Variants in UBE2F observed in about 807,000 individuals in gnomAD.
UBE2F encodes the protein NEDD8-conjugating enzyme UBE2F.
UBE2F carries 5 observed loss-of-function variants against 29.6 expected under a neutral mutation model. The ratio of observed to expected loss-of-function variants is 0.17; its 90% CI spans 0.09 to 0.36. UBE2F has a LOEUF of 0.36. UBE2F is among the 10% of genes least tolerant of loss of function. The pLI is 1.00. For missense variants in UBE2F, 141 were observed against 228.5 expected (o/e 0.62, Z 2.47); for synonymous variants, 66 against 81.8 (o/e 0.81, Z 1.04).
At chr2:238,026,199 G>A (rs2064425008) in intron 6 of UBE2F, among the ~76,000 whole-genome samples, 1 of 152,192 alleles carries the variant, frequency 6.6e-6, no homozygotes, top group Non-Finnish European at 1.5e-5. Flanking sequence ...TGGGACTTTA[G>A]GCTAGGTATT....
At chr2:237,974,808 C>T (rs955600079) in intron 2 of UBE2F, among the ~76,000 whole-genome samples, 2 of 152,136 alleles carry the variant, frequency 1.3e-5, no homozygotes, top group Admixed American at 6.6e-5. Flanking sequence ...AGCCACCGTG[C>T]CCAGCCATTT....
chr2:237,991,989 C>T (rs917231525), intron 3 of UBE2F, among the ~76,000 whole-genome samples: 1 of 152,080 alleles, frequency 6.6e-6, no homozygotes, highest in Non-Finnish European at 1.5e-5. Context: ...CTCAGCCTCC[C>T]CCTCAGCTGG....
chr2:237,998,507 A>G, intron 4 of UBE2F, among the ~76,000 whole-genome samples: 1 of 151,366 alleles, frequency 6.6e-6, no homozygotes, highest in East Asian at 1.9e-4. Flanking sequence ...ATGGAATTTT[A>G]ATGAATATGT....
chr2:238,022,556 A>G (rs2064321507), intron 5 of UBE2F, among the ~76,000 whole-genome samples: 3 of 152,098 alleles, frequency 2.0e-5, no homozygotes, highest in African/African-American at 7.2e-5. Context: ...TTTGTATGTT[A>G]TGATATGCTT....
At chr2:237,981,556 G>T (rs1686463144) in intron 2 of UBE2F, among the ~76,000 whole-genome samples, 1 of 149,662 alleles carries the variant, frequency 6.7e-6, no homozygotes, top group African/African-American at 2.5e-5. Flanking sequence ...CTCCTTCCGT[G>T]AGTGAATTGC....
Position 237,967,180 on chromosome 2 carries a change from G to T in UBE2F, c.-17+48G>T. 8.8e-7 allele frequency: 1 copy of T among 1,131,846 alleles called. No individual in the cohort carries two copies. Among genetic ancestry groups the T allele is most frequent in the Non-Finnish European group, 1.1e-6 (1 of 923,460 alleles). The allele number at this position is 1,131,846 out of a possible 1,614,324, so 70.1% of individuals were successfully genotyped here. On this transcript the variant is annotated intron_variant, in intron 1 of 9. Transcript: ENST00000272930. This position sits in a 1 kb window ranked among gnomAD's most constrained non-coding sequence, Gnocchi z 6.3. ...TGCGGCGGGGCGAGGTGCGGCCGCC[G>T]GTGCACGGGCTGGCCTGCGGGCCGG...
intron 2 of UBE2F, among the ~76,000 whole-genome samples, chr2:237,977,126 G>A (rs907232429): frequency 6.6e-6 from 1 of 152,128 alleles, no homozygotes; most frequent in Admixed American, 6.5e-5. Flanking sequence ...CAACCTGGGC[G>A]CCCCTCCAGC....
chr2:237,993,649 G>T (rs1260510749), intron 3 of UBE2F, among the ~76,000 whole-genome samples: 2 of 152,164 alleles, frequency 1.3e-5, no homozygotes, highest in African/African-American at 4.8e-5. Flanking sequence ...GGAGGCAGAG[G>T]TTGCGGTGAG....
chr2:237,994,628 C>T, intron 3 of UBE2F, 116 bp from the exon 4 acceptor site: 1 of 766,482 alleles, frequency 1.3e-6, no homozygotes, highest in Non-Finnish European at 2.2e-6. Context: ...ACCAACTTTC[C>T]ATAAACCATA....
chr2:238,025,318 T>G, intron 5 of UBE2F, 24 bp from the exon 6 acceptor site: 1 of 1,607,018 alleles, frequency 6.2e-7, no homozygotes, highest in Non-Finnish European at 8.5e-7. Context: ...CGGCGTGATC[T>G]CTCTCATTGT....
chr2:237,995,779 T>TA (rs962004046), intron 4 of UBE2F, among the ~76,000 whole-genome samples: 3 of 152,030 alleles, frequency 2.0e-5, no homozygotes, highest in Non-Finnish European at 2.9e-5. Context: ...CTTGAAACCT[T>TA]AAAAAAAATT....
At chr2:237,968,632 G>T (rs2063109768) in intron 1 of UBE2F, among the ~76,000 whole-genome samples, 3 of 152,218 alleles carry the variant, frequency 2.0e-5, no homozygotes. Flanking sequence ...TGCTTGCAGG[G>T]ATGCTGAGTA....
rs768611037 is a variant in UBE2F at position 238,003,259 on chromosome 2, T to C, written c.214+8450T>C. On this transcript the variant is annotated intron_variant, in intron 4 of 9. Transcript: ENST00000272930. The stretch of plus-strand genomic sequence containing the variant: ...AATACAGATGCCAATTTTCTTGCGA[T>C]GTAGAATAGAAATGTGATGTTAGCT... The C allele has an allele frequency of 1.3e-4, 52 of 403,124 alleles. 1 individual carries two copies. The highest frequency in any genetic ancestry group is 6.8e-4 in the Admixed American group (26 of 38,006). The allele number at this position is 403,124 out of a possible 1,614,324, so 25.0% of individuals were successfully genotyped here.
intron 4 of UBE2F, among the ~76,000 whole-genome samples, chr2:238,016,000 A>C (rs1158217542): frequency 6.6e-6 from 1 of 152,128 alleles, no homozygotes. Flanking sequence ...CGTGCCTACC[A>C]GCCCGCGTTT....
At chr2:237,999,695 T>G (rs1193742530) in intron 4 of UBE2F, among the ~76,000 whole-genome samples, 1 of 152,222 alleles carries the variant, frequency 6.6e-6, no homozygotes, top group African/African-American at 2.4e-5. Flanking sequence ...GTTCTGCTTT[T>G]TGGACTTGAT....
intron 1 of UBE2F, chr2:237,968,984 G>A (rs1276324918): frequency 2.9e-6 from 1 of 345,582 alleles, no homozygotes; most frequent in Non-Finnish European, 4.1e-6. Context: ...TAATTTTACA[G>A]CTATGGCAAC....
At chr2:238,028,956 C>A (rs921449229) in intron 6 of UBE2F, 2 of 152,020 alleles carry the variant, frequency 1.3e-5, no homozygotes, top group South Asian at 2.1e-4. Flanking sequence ...TCATTTAATC[C>A]TTTTAAAATT....
chr2:238,035,673 A>C, intron 8 of UBE2F: 1 of 535,508 alleles, frequency 1.9e-6, no homozygotes, highest in South Asian at 2.5e-5. Flanking sequence ...TCTTTCAGTC[A>C]GTTGTCAGTC....
chr2:238,012,687 T>G (rs1258870943), intron 4 of UBE2F, among the ~76,000 whole-genome samples: 1 of 152,186 alleles, frequency 6.6e-6, no homozygotes, highest in African/African-American at 2.4e-5. Flanking sequence ...ATTTTCATTC[T>G]AACAATATGC....
Sources: allele counts gnomAD v4.1 joint callset (sites outside exome capture counted in the v4.1 genomes callset), GRCh38; gene constraint gnomAD v4.1.1; non-coding constraint Gnocchi (gnomAD v3.1); transcripts MANE v1.5; gene names NCBI Gene and HGNC (gene_info 2026-07-23, HGNC 2026-07-21).